Variants in BCKDHB observed in about 807,000 individuals in gnomAD.
BCKDHB encodes the protein branched chain keto acid dehydrogenase E1 subunit beta.
In BCKDHB, 41 loss-of-function variants were observed where a neutral mutation model predicts 48.5. The observed-to-expected ratio is 0.85, with a 90% CI of 0.66 to 1.10. BCKDHB has a LOEUF of 1.10. Among genes scored for constraint, BCKDHB ranks in the 50% least tolerant of loss-of-function variants. The pLI is 0.00. For synonymous variants in BCKDHB, 201 were observed against 174.8 expected (o/e 1.15, Z -1.18); for missense variants, 496 against 494.2 (o/e 1.00, Z -0.03).
chr6:80,182,608 C>T (rs1362849030), intron 6 of BCKDHB, among the ~76,000 whole-genome samples: 1 of 152,124 alleles, frequency 6.6e-6, no homozygotes, highest in East Asian at 1.9e-4. Flanking sequence ...TTCCTACTGG[C>T]TCACTTTGAA....
chr6:80,231,643 A>G (rs1360042422), intron 8 of BCKDHB, among the ~76,000 whole-genome samples: 10 of 152,300 alleles, frequency 6.6e-5, no homozygotes, highest in Non-Finnish European at 1.3e-4. Context: ...TGTTGGAAGG[A>G]TTAAATCAAA....
chr6:80,248,026 G>A (rs1776685197), intron 8 of BCKDHB, among the ~76,000 whole-genome samples: 1 of 152,204 alleles, frequency 6.6e-6, no homozygotes, highest in Non-Finnish European at 1.5e-5. Context: ...AATAATACAT[G>A]TGATTGTTTC....
the BCKDHB span, among the ~76,000 whole-genome samples, chr6:80,431,885 C>A: frequency 6.6e-6 from 1 of 152,216 alleles, no homozygotes; most frequent in African/African-American, 2.4e-5. Flanking sequence ...TAAGGCAGGA[C>A]TGATGGTGAC....
chr6:80,114,541 G>A (rs1769583976), intron 1 of BCKDHB, among the ~76,000 whole-genome samples: 1 of 152,134 alleles, frequency 6.6e-6, no homozygotes, highest in Non-Finnish European at 1.5e-5. Flanking sequence ...GAGCCACCAC[G>A]CCTGGCTAGT....
the BCKDHB span, among the ~76,000 whole-genome samples, chr6:80,376,324 A>T: frequency 6.6e-6 from 1 of 152,060 alleles, no homozygotes; most frequent in African/African-American, 2.4e-5. Context: ...CAGCTCCCAC[A>T]CAGCCCATAC....
At chr6:80,435,203 C>T in the BCKDHB span, among the ~76,000 whole-genome samples, 6 of 152,142 alleles carry the variant, frequency 3.9e-5, no homozygotes, top group South Asian at 4.1e-4. Context: ...AAAACAATTA[C>T]GTCACATGAA....
At chr6:80,443,571 A>G in the BCKDHB span, 2 of 152,084 alleles carry the variant, frequency 1.3e-5, no homozygotes, top group African/African-American at 4.8e-5. Context: ...TTATATTTGG[A>G]TTTTTTTGGT....
At chr6:80,459,277 C>T in the BCKDHB span, among the ~76,000 whole-genome samples, 14 of 152,210 alleles carry the variant, frequency 9.2e-5, no homozygotes, top group East Asian at 1.7e-3. Flanking sequence ...GGTATATACA[C>T]ATAATATAAT....
chr6:80,214,045 G>C (rs1046598539), intron 8 of BCKDHB, among the ~76,000 whole-genome samples: 1 of 152,088 alleles, frequency 6.6e-6, no homozygotes, highest in African/African-American at 2.4e-5. Flanking sequence ...TTCCATTCTT[G>C]CTATAGAAGA....
chr6:80,122,945 G>A lies in BCKDHB; in HGVS notation c.197-4602G>A, dbSNP rs983630004. ...CACATAAGACAGACGCTCCCAGAGC[G>A]GATGTTTATAGGCCTTCCCCCCCTC... On this transcript the variant is annotated intron_variant, in intron 1 of 9. Transcript: ENST00000320393. Among the ~76,000 whole-genome samples the A allele has an allele frequency of 1.1e-3, 161 of 152,054 alleles. 1 individual carries two copies. Among genetic ancestry groups the A allele is most frequent in the African/African-American group, 3.6e-3 (149 of 41,454 alleles).
chr6:80,188,676 A>G (rs758812960), intron 6 of BCKDHB, among the ~76,000 whole-genome samples: 2 of 152,104 alleles, frequency 1.3e-5, no homozygotes, highest in South Asian at 2.1e-4. Context: ...CAAAAAACAA[A>G]CTACCAATCG....
chr6:80,199,355 G>A (rs1412373103), intron 6 of BCKDHB, among the ~76,000 whole-genome samples: 1 of 152,110 alleles, frequency 6.6e-6, no homozygotes, highest in Non-Finnish European at 1.5e-5. Context: ...CCAGAGGGAG[G>A]CTTTTACTTT....
the BCKDHB span, among the ~76,000 whole-genome samples, chr6:80,365,247 A>T: frequency 6.6e-6 from 1 of 152,282 alleles, no homozygotes; most frequent in East Asian, 1.9e-4. Flanking sequence ...GTCTTGATAA[A>T]CATCTTAAAC....
intron 9 of BCKDHB, among the ~76,000 whole-genome samples, chr6:80,320,349 T>C (rs1013949713): frequency 6.6e-6 from 1 of 152,248 alleles, no homozygotes; most frequent in African/African-American, 2.4e-5. Context: ...TACCTTATGA[T>C]TGACCATTTC....
chr6:80,116,792 A>G (rs575041067), intron 1 of BCKDHB, among the ~76,000 whole-genome samples: 2 of 152,260 alleles, frequency 1.3e-5, no homozygotes, highest in Non-Finnish European at 2.9e-5. Context: ...GCAGTCATTT[A>G]TTAGTACTGT....
chr6:80,107,486 CGCGCATATATATGCATATATATGT>C (rs1446519151), intron 1 of BCKDHB, among the ~76,000 whole-genome samples: 4 of 122,572 alleles, frequency 3.3e-5, no homozygotes, highest in African/African-American at 8.1e-5. Flanking sequence ...GATATATATA[CGCGCATATATATGCATATATATGT>C]GCGCATATAT....
intron 8 of BCKDHB, among the ~76,000 whole-genome samples, chr6:80,205,597 G>A (rs1453045677): frequency 6.6e-6 from 1 of 152,016 alleles, no homozygotes; most frequent in African/African-American, 2.4e-5. Context: ...GATAGAGAAA[G>A]GAGCAGAGTC....
At chr6:80,143,367 T>C (rs141653498) in intron 3 of BCKDHB, among the ~76,000 whole-genome samples, 5 of 152,144 alleles carry the variant, frequency 3.3e-5, no homozygotes, top group African/African-American at 4.8e-5. Flanking sequence ...TCCACTGTTA[T>C]CACCTTTAAT....
chr6:80,394,382 T>G, the BCKDHB span, among the ~76,000 whole-genome samples: 252 of 152,276 alleles, frequency 1.7e-3, no homozygotes, highest in African/African-American at 5.9e-3. Flanking sequence ...AATAGAGTTC[T>G]ATTCTTGTTC....
Sources: allele counts gnomAD v4.1 joint callset (sites outside exome capture counted in the v4.1 genomes callset), GRCh38; gene constraint gnomAD v4.1.1; transcripts MANE v1.5; gene names NCBI Gene and HGNC (gene_info 2026-07-23, HGNC 2026-07-21).